MYCT1: variants seen among roughly 807,000 people sequenced by gnomAD.
MYCT1 encodes myc target protein 1.
Under a neutral mutation model 15.0 loss-of-function variants are expected in MYCT1, and 12 were observed. That is an observed-to-expected ratio of 0.80 (90% CI 0.51 to 1.29). The LOEUF (loss-of-function observed/expected upper bound fraction) is 1.29, where lower values mean the gene tolerates loss of function less well. MYCT1 is among the 50% of genes most tolerant of loss of function. The probability of loss-of-function intolerance (pLI) is 0.00; values close to 1 mark genes in which losing one functional copy is unlikely to be tolerated. For missense variants in MYCT1, 287 were observed against 279.1 expected (o/e 1.03, Z -0.20); for synonymous variants, 104 against 102.7 (o/e 1.01, Z -0.07).
intron 1 of MYCT1, among the ~76,000 whole-genome samples, chr6:152,719,773 C>T (rs534225760): frequency 5.3e-5 from 8 of 152,272 alleles, no homozygotes; most frequent in Non-Finnish European, 1.2e-4. Flanking sequence ...TTTCTGCATT[C>T]TAGGTAGTCT....
At chr6:152,701,642 G>T (rs1205323841) in intron 1 of MYCT1, among the ~76,000 whole-genome samples, 1 of 152,116 alleles carries the variant, frequency 6.6e-6, no homozygotes, top group Non-Finnish European at 1.5e-5. Flanking sequence ...GCTTGATCAA[G>T]TTCTGGCCTC....
the MYCT1 span, among the ~76,000 whole-genome samples, chr6:152,734,446 C>T: frequency 6.6e-6 from 1 of 152,172 alleles, no homozygotes; most frequent in Admixed American, 6.5e-5. Flanking sequence ...CTTGGAAAAA[C>T]TGCAATGTTG....
chr6:152,698,432 A>G (rs2099720782), intron 1 of MYCT1, among the ~76,000 whole-genome samples: 1 of 152,108 alleles, frequency 6.6e-6, no homozygotes, highest in African/African-American at 2.4e-5. Context: ...AGGTGGAGGT[A>G]ATTCCTGCTT....
At chr6:152,733,332 A>G in the MYCT1 span, among the ~76,000 whole-genome samples, 2 of 151,970 alleles carry the variant, frequency 1.3e-5, no homozygotes, top group Admixed American at 6.6e-5. Flanking sequence ...CAAACTCCTG[A>G]GCTCAAGCAA....
At chr6:152,744,566 G>A in the MYCT1 span, among the ~76,000 whole-genome samples, 1 of 152,210 alleles carries the variant, frequency 6.6e-6, no homozygotes. Context: ...GGAGCCGTTG[G>A]CCCCTCTAGG....
At chr6:152,716,917 T>A (rs2099723782) in intron 1 of MYCT1, among the ~76,000 whole-genome samples, 2 of 152,182 alleles carry the variant, frequency 1.3e-5, no homozygotes, top group Non-Finnish European at 2.9e-5. Flanking sequence ...ATTTTTCTTC[T>A]CCTTAGATTG....
At chr6:152,716,001 A>C (rs2099723594) in intron 1 of MYCT1, among the ~76,000 whole-genome samples, 2 of 152,166 alleles carry the variant, frequency 1.3e-5, no homozygotes, top group African/African-American at 4.8e-5. Context: ...GATTTGACTT[A>C]CATTTTATAA....
the MYCT1 span, among the ~76,000 whole-genome samples, chr6:152,737,628 A>G: frequency 6.6e-6 from 1 of 152,252 alleles, no homozygotes; most frequent in African/African-American, 2.4e-5. Flanking sequence ...CTAGGTGGGG[A>G]ACAAGGCATC....
the MYCT1 span, among the ~76,000 whole-genome samples, chr6:152,741,770 C>T: frequency 1.3e-5 from 2 of 152,076 alleles, no homozygotes; most frequent in African/African-American, 4.8e-5. Context: ...ATGAATCAAG[C>T]ATTATTCAGA....
At chr6:152,715,642 G>A (rs1473959325) in intron 1 of MYCT1, among the ~76,000 whole-genome samples, 2 of 152,150 alleles carry the variant, frequency 1.3e-5, no homozygotes, top group African/African-American at 2.4e-5. Flanking sequence ...TTCCATTTAG[G>A]CTTCAGAGGT....
At chr6:152,747,153 A>G in the MYCT1 span, among the ~76,000 whole-genome samples, 3 of 151,714 alleles carry the variant, frequency 2.0e-5, no homozygotes, top group African/African-American at 7.2e-5. Context: ...CTTTAAATAT[A>G]TAAACTTTTA....
At position 152,724,534 on chromosome 6, in the gene MYCT1, T is replaced by C. The variant is rs1273210366; in HGVS notation, c.*2281T>C. 1 of 152,170 alleles carries C rather than the reference T, an allele frequency of 6.6e-6. No homozygotes were observed. Among genetic ancestry groups the C allele is most frequent in the Non-Finnish European group, 1.5e-5 (1 of 68,030 alleles). 9.4% of individuals were successfully genotyped at this position (152,170 alleles called of 1,614,324 possible). On this transcript the variant is annotated 3_prime_UTR_variant, in exon 2 of 2. Transcript: ENST00000367245. ...AATGTATTTCTTTAATTTGAAATGT[T>C]TTGTGGATTGTGAAATAAAAATAAA...
chr6:152,731,266 A>ATATTTGTCC, the MYCT1 span, among the ~76,000 whole-genome samples: 1 of 151,252 alleles, frequency 6.6e-6, no homozygotes, highest in African/African-American at 2.5e-5. Flanking sequence ...AGGACAAAGA[A>ATATTTGTCC]TATTACTTTA....
At chr6:152,737,393 T>C in the MYCT1 span, among the ~76,000 whole-genome samples, 1 of 151,826 alleles carries the variant, frequency 6.6e-6, no homozygotes, top group Non-Finnish European at 1.5e-5. Context: ...TTAAGAAAAA[T>C]ATTGGAGATA....
At chr6:152,735,186 A>G in the MYCT1 span, among the ~76,000 whole-genome samples, 172 of 152,290 alleles carry the variant, frequency 1.1e-3, 1 homozygote, top group African/African-American at 3.9e-3. Context: ...GGTAGAGAGG[A>G]GGCTCAAATG....
At chr6:152,704,965 G>A (rs9322391) in intron 1 of MYCT1, among the ~76,000 whole-genome samples, 56,325 of 151,934 alleles carry the variant, frequency 0.37, 11,352 homozygotes, top group East Asian at 0.62. Flanking sequence ...AAGCTCCTGC[G>A]CAACTGAAAC....
chr6:152,741,113 A>T, the MYCT1 span, among the ~76,000 whole-genome samples: 5 of 152,180 alleles, frequency 3.3e-5, no homozygotes, highest in Non-Finnish European at 7.4e-5. Context: ...AAGAAAAAAA[A>T]TCCCAACTTT....
At chr6:152,739,010 G>GA in the MYCT1 span, among the ~76,000 whole-genome samples, 10 of 151,598 alleles carry the variant, frequency 6.6e-5, no homozygotes, top group South Asian at 1.9e-3. Context: ...AGAAGAGAAT[G>GA]AAAAAAAGAA....
At chr6:152,735,491 C>T in the MYCT1 span, among the ~76,000 whole-genome samples, 1 of 152,136 alleles carries the variant, frequency 6.6e-6, no homozygotes, top group Non-Finnish European at 1.5e-5. Context: ...ATGATGAATT[C>T]TGTCACTACA....
Sources: gnomAD v4.1 joint callset for allele counts (sites outside exome capture counted in the v4.1 genomes callset) on GRCh38, gnomAD v4.1.1 for gene constraint, MANE v1.5 for transcripts, NCBI Gene and HGNC (gene_info 2026-07-23, HGNC 2026-07-21) for gene names.